The following GLI3 variants were observed in gnomAD, a reference collection of about 807,000 sequenced individuals.
GLI3 encodes the protein transcription activator GLI3.
Under a neutral mutation model 100.8 loss-of-function variants are expected in GLI3, and 20 were observed. The observed-to-expected ratio is 0.20, with a 90% CI of 0.14 to 0.29. The LOEUF (loss-of-function observed/expected upper bound fraction) is 0.29, where lower values mean the gene tolerates loss of function less well. Among genes scored for constraint, GLI3 ranks in the 10% least tolerant of loss-of-function variants. The pLI is 1.00. For missense variants in GLI3, 2,040 were observed against 2,128.5 expected, an observed-to-expected ratio of 0.96 and a Z score of 0.82; for synonymous variants, 938 against 860.5, an observed-to-expected ratio of 1.09 and a Z score of -1.58.
At chr7:42,022,997 T>C (rs1788986445) in intron 10 of GLI3, among the ~76,000 whole-genome samples, 2 of 152,222 alleles carry the variant, frequency 1.3e-5, no homozygotes, top group African/African-American at 2.4e-5. Flanking sequence ...TTATGCTACC[T>C]AGCTCATATA....
chr7:41,981,128 A>C (rs1460959345), intron 10 of GLI3, among the ~76,000 whole-genome samples: 2 of 152,216 alleles, frequency 1.3e-5, no homozygotes, highest in African/African-American at 4.8e-5. Flanking sequence ...CCGATGACAC[A>C]GAAGTACCTG....
intron 10 of GLI3, among the ~76,000 whole-genome samples, chr7:42,010,244 G>A (rs568749493): frequency 6.6e-6 from 1 of 152,354 alleles, no homozygotes; most frequent in South Asian, 2.1e-4. Flanking sequence ...CCTGAGAGCT[G>A]TTTCCCTCTG....
chr7:42,006,258 CAG>C (rs1410992979), intron 10 of GLI3, among the ~76,000 whole-genome samples: 1 of 152,166 alleles, frequency 6.6e-6, no homozygotes, highest in Non-Finnish European at 1.5e-5. Flanking sequence ...TCCCTCAATG[CAG>C]AGTTAGTGGG....
chr7:42,206,923 T>C (rs913040939), intron 2 of GLI3, among the ~76,000 whole-genome samples: 1 of 152,164 alleles, frequency 6.6e-6, no homozygotes, highest in African/African-American at 2.4e-5. Context: ...GAAAAGAAGA[T>C]ATCCAAACGG....
At position 42,040,181 on chromosome 7, in the gene GLI3, G is replaced by A; in HGVS notation, c.885C>T (p.Ser295=). ...AGCTATGATCGGAGAGTGGTGATATGGACAGTGTACGTTTTCGGCTCGGCC... is the reference window on the plus strand; with the variant it reads ...AGCTATGATCGGAGAGTGGTGATATAGACAGTGTACGTTTTCGGCTCGGCC... ...SARPSRKRTL[S]ISPLSDHSFD... is the part of the protein sequence containing the mutation. Residue 295 remains serine, a synonymous_variant, in exon 7 of 15, where the codon TCC becomes TCT. Transcript: ENST00000395925. 1 of 1,613,822 alleles carries A rather than the reference G, an allele frequency of 6.2e-7. No homozygotes were observed.
chr7:42,032,241 A>G (rs989426727), intron 7 of GLI3, among the ~76,000 whole-genome samples: 53 of 148,424 alleles, frequency 3.6e-4, no homozygotes, highest in African/African-American at 8.9e-4. Context: ...ATTGCCAAAG[A>G]AAAAAAAAAT....
intron 14 of GLI3, among the ~76,000 whole-genome samples, chr7:41,967,102 C>T (rs1027407881): frequency 1.3e-5 from 2 of 152,212 alleles, no homozygotes; most frequent in South Asian, 2.1e-4. Flanking sequence ...CACATCCTAC[C>T]AACAGGTAAC....
chr7:42,033,446 A>G (rs1789352186), intron 7 of GLI3, among the ~76,000 whole-genome samples: 1 of 152,244 alleles, frequency 6.6e-6, no homozygotes, highest in Non-Finnish European at 1.5e-5. Context: ...CTAGTTTACT[A>G]CAGGCCGAAG....
At chr7:42,129,925 T>C (rs1264871685) in intron 3 of GLI3, among the ~76,000 whole-genome samples, 1 of 152,100 alleles carries the variant, frequency 6.6e-6, no homozygotes, top group Non-Finnish European at 1.5e-5. Flanking sequence ...CTGGCATTTC[T>C]CCAGATAAAA....
At chr7:42,058,883 A>G (rs1160274712) in intron 4 of GLI3, among the ~76,000 whole-genome samples, 1 of 152,248 alleles carries the variant, frequency 6.6e-6, no homozygotes, top group African/African-American at 2.4e-5. Flanking sequence ...ATAACTCATT[A>G]ATAAATTAAA....
chr7:42,064,681 A>G (rs977007893), intron 4 of GLI3, among the ~76,000 whole-genome samples: 8 of 152,142 alleles, frequency 5.3e-5, no homozygotes, highest in Non-Finnish European at 1.2e-4. Context: ...CTCATGAGGG[A>G]TGTTTAGCTG....
At chr7:42,205,600 G>A (rs986603681) in intron 2 of GLI3, among the ~76,000 whole-genome samples, 11 of 152,142 alleles carry the variant, frequency 7.2e-5, no homozygotes, top group Admixed American at 6.6e-4. Context: ...AATATAAGAG[G>A]TGTTTACATT....
At chr7:42,213,914 A>C (rs1162886623) in intron 2 of GLI3, among the ~76,000 whole-genome samples, 2 of 152,272 alleles carry the variant, frequency 1.3e-5, no homozygotes, top group Non-Finnish European at 2.9e-5. Flanking sequence ...TCAGCCGGGC[A>C]GGGCTGTCCC....
chr7:42,036,608 T>C (rs577931682), intron 7 of GLI3, among the ~76,000 whole-genome samples: 2 of 152,366 alleles, frequency 1.3e-5, no homozygotes, highest in Admixed American at 1.3e-4. Flanking sequence ...AGCTATGGCA[T>C]TTCTTAGAAA....
chr7:42,221,942 T>C (rs1026250660), intron 2 of GLI3, among the ~76,000 whole-genome samples: 2 of 152,152 alleles, frequency 1.3e-5, no homozygotes, highest in African/African-American at 2.4e-5. Flanking sequence ...TCCCTCAGGA[T>C]CAATTTAAAA....
intron 6 of GLI3, among the ~76,000 whole-genome samples, chr7:42,041,173 C>A (rs1400929944): frequency 6.6e-6 from 1 of 152,206 alleles, no homozygotes. Flanking sequence ...GACCTTGTTT[C>A]TCTAGTCAGA....
chr7:42,242,484 C>T (rs760111186), upstream of GLI3, among the ~76,000 whole-genome samples: 5 of 152,162 alleles, frequency 3.3e-5, no homozygotes, highest in Admixed American at 6.6e-5. Context: ...CAAATAGCTC[C>T]GACATTCCCC....
At chr7:42,126,245 G>T (rs1183233995) in intron 3 of GLI3, among the ~76,000 whole-genome samples, 1 of 152,218 alleles carries the variant, frequency 6.6e-6, no homozygotes, top group African/African-American at 2.4e-5. Flanking sequence ...AAGGAAAACT[G>T]CTGTGATCAA....
chr7:42,120,594 G>A (rs945533682), intron 3 of GLI3, among the ~76,000 whole-genome samples: 1 of 152,180 alleles, frequency 6.6e-6, no homozygotes, highest in Non-Finnish European at 1.5e-5. Flanking sequence ...CCCTCTCCTT[G>A]ATGTCTTGTA....
Sources: gnomAD v4.1 joint callset for allele counts (sites outside exome capture counted in the v4.1 genomes callset) on GRCh38, gnomAD v4.1.1 for gene constraint, MANE v1.5 for transcripts, NCBI Gene and HGNC (gene_info 2026-07-23, HGNC 2026-07-21) for gene names.